The following ATF6 variants were observed in gnomAD, a reference collection of about 807,000 sequenced individuals.
ATF6 encodes the protein cyclic AMP-dependent transcription factor ATF-6 alpha.
In ATF6, 53 loss-of-function variants were observed where a neutral mutation model predicts 83.6. That is an observed-to-expected ratio of 0.63 (90% confidence interval 0.51 to 0.80). ATF6 has a LOEUF of 0.80. Ranked by LOEUF, ATF6 falls within the 30% of genes least tolerant of loss-of-function variation. The pLI is 0.00. For missense variants in ATF6, 744 were observed against 797.9 expected, an observed-to-expected ratio of 0.93 and a Z score of 0.81; for synonymous variants, 288 against 285.8, an observed-to-expected ratio of 1.01 and a Z score of -0.08.
chr1:161,777,992 TACATGAC>T (rs1338105371), intron 1 of ATF6, among the ~76,000 whole-genome samples: 1 of 152,172 alleles, frequency 6.6e-6, no homozygotes, highest in African/African-American at 2.4e-5. Context: ...CAATTAGTCT[TACATGAC>T]ATATGACATA....
At chr1:161,945,324 C>T (rs1688727452) in intron 15 of ATF6, among the ~76,000 whole-genome samples, 1 of 152,220 alleles carries the variant, frequency 6.6e-6, no homozygotes, top group Admixed American at 6.5e-5. Context: ...CTTCTTATTC[C>T]ATTCCCATTT....
intron 6 of ATF6, among the ~76,000 whole-genome samples, chr1:161,801,237 T>G (rs1218767055): frequency 3.9e-5 from 6 of 152,224 alleles, no homozygotes; most frequent in East Asian, 1.9e-4. Context: ...AGGCCATTTT[T>G]GGGGGAAGAG....
At chr1:161,878,171 T>A (rs1355688023) in intron 14 of ATF6, among the ~76,000 whole-genome samples, 4 of 152,102 alleles carry the variant, frequency 2.6e-5, no homozygotes, top group African/African-American at 9.7e-5. Context: ...TGGAGTGCAA[T>A]GGTGTGATCT....
At chr1:161,873,595 A>G (rs1048194716) in intron 14 of ATF6, among the ~76,000 whole-genome samples, 7 of 151,724 alleles carry the variant, frequency 4.6e-5, no homozygotes, top group Admixed American at 4.6e-4. Context: ...GAAAAATGTT[A>G]AGGCTAATAA....
chr1:161,853,175 CTATGTTTAATTA>C (rs1686674620), intron 11 of ATF6, 37 bp from the exon 12 acceptor site: 8 of 1,288,416 alleles, frequency 6.2e-6, no homozygotes, highest in African/African-American at 3.0e-5. Flanking sequence ...ACATCCATTT[CTATGTTTAATTA>C]ATTTCTATGT....
At chr1:161,798,466 G>A (rs1448002782) in intron 6 of ATF6, among the ~76,000 whole-genome samples, 2 of 152,126 alleles carry the variant, frequency 1.3e-5, no homozygotes, top group South Asian at 2.1e-4. Flanking sequence ...ACATAAATTA[G>A]CCAGGCATGG....
At chr1:161,892,783 G>A (rs1431284187) in intron 14 of ATF6, among the ~76,000 whole-genome samples, 3 of 151,928 alleles carry the variant, frequency 2.0e-5, no homozygotes, top group South Asian at 2.1e-4. Flanking sequence ...GACTACAGGC[G>A]CATGCCACCA....
chr1:161,801,726 A>G (rs1553443), intron 6 of ATF6, among the ~76,000 whole-genome samples: 18,069 of 152,232 alleles, frequency 0.12, 1,620 homozygotes, highest in East Asian at 0.31. Context: ...TCCTTTTAGC[A>G]CTAATAAATT....
chr1:161,801,239 G>T (rs1267191462), intron 6 of ATF6, among the ~76,000 whole-genome samples: 1 of 152,050 alleles, frequency 6.6e-6, no homozygotes, highest in Non-Finnish European at 1.5e-5. Flanking sequence ...GCCATTTTTG[G>T]GGGAAGAGGG....
intron 7 of ATF6, among the ~76,000 whole-genome samples, chr1:161,810,440 C>CGATT (rs1457401681): frequency 2.6e-5 from 4 of 152,168 alleles, no homozygotes; most frequent in Non-Finnish European, 5.9e-5. Flanking sequence ...TCACCTTTCA[C>CGATT]CAGGCTCCTC....
intron 6 of ATF6, among the ~76,000 whole-genome samples, chr1:161,795,299 T>TTAA (rs1040698685): frequency 1.9e-4 from 29 of 152,132 alleles, no homozygotes; most frequent in African/African-American, 6.3e-4. Flanking sequence ...GAAAAGGAGA[T>TTAA]TAATAATAAT....
intron 4 of ATF6, among the ~76,000 whole-genome samples, chr1:161,787,580 A>G (rs1684773124): frequency 6.6e-6 from 1 of 152,044 alleles, no homozygotes; most frequent in Non-Finnish European, 1.5e-5. Flanking sequence ...CCACCAGGCT[A>G]CTTCTCTGCG....
intron 9 of ATF6, among the ~76,000 whole-genome samples, chr1:161,823,386 C>CATTT (rs1450054855): frequency 2.2e-4 from 33 of 152,164 alleles, no homozygotes; most frequent in African/African-American, 7.7e-4. Context: ...TCTATATACA[C>CATTT]ATTTATTTGC....
chr1:161,951,027 T>C (rs564068620), intron 15 of ATF6, among the ~76,000 whole-genome samples: 1 of 152,210 alleles, frequency 6.6e-6, no homozygotes, highest in African/African-American at 2.4e-5. Context: ...CTTTGAACTT[T>C]AATGGAATTA....
intron 6 of ATF6, among the ~76,000 whole-genome samples, 169 bp from the exon 7 acceptor site, chr1:161,801,881 CAA>C (rs965369241): frequency 5.3e-5 from 8 of 152,150 alleles, no homozygotes; most frequent in African/African-American, 1.7e-4. Flanking sequence ...AAAAACATAA[CAA>C]AGTCACCATA....
At chr1:161,871,017 T>C (rs1395865792) in intron 14 of ATF6, among the ~76,000 whole-genome samples, 1 of 151,730 alleles carries the variant, frequency 6.6e-6, no homozygotes, top group African/African-American at 2.4e-5. Flanking sequence ...TCATTCTGTT[T>C]TGTCTTTTAC....
At chr1:161,869,865 T>C (rs1277007645) in intron 14 of ATF6, among the ~76,000 whole-genome samples, 1 of 151,856 alleles carries the variant, frequency 6.6e-6, no homozygotes, top group African/African-American at 2.4e-5. Flanking sequence ...TTCACATACA[T>C]AATCTTAGCA....
intron 13 of ATF6, among the ~76,000 whole-genome samples, chr1:161,861,742 C>T (rs1195649577): frequency 1.3e-5 from 2 of 152,178 alleles, no homozygotes; most frequent in Non-Finnish European, 2.9e-5. Context: ...TGAGGTTGAA[C>T]AAGGCAGTGT....
At chr1:161,866,937 A>G (rs527347922) in intron 14 of ATF6, among the ~76,000 whole-genome samples, 1 of 152,028 alleles carries the variant, frequency 6.6e-6, no homozygotes, top group Admixed American at 6.6e-5. Flanking sequence ...TTTTGTAGAG[A>G]TGGGGTCTCA....
Sources: allele counts gnomAD v4.1 joint callset (sites outside exome capture counted in the v4.1 genomes callset), GRCh38; gene constraint gnomAD v4.1.1; transcripts MANE v1.5; gene names NCBI Gene and HGNC (gene_info 2026-07-23, HGNC 2026-07-21).